Variants in ARHGEF33 observed in about 807,000 individuals in gnomAD.
ARHGEF33 encodes DH and coiled-coil domain-containing protein ENSP00000381780.
Under a neutral mutation model 101.9 loss-of-function variants are expected in ARHGEF33, and 72 were observed. That is an observed-to-expected ratio of 0.71 (90% CI 0.58 to 0.86). The LOEUF (loss-of-function observed/expected upper bound fraction) is 0.86. Among genes scored for constraint, ARHGEF33 ranks in the 40% least tolerant of loss-of-function variants. ARHGEF33 has a pLI of 0.00. For missense variants in ARHGEF33, 1,169 were observed against 1,111.3 expected (o/e 1.05, Z -0.74); for synonymous variants, 499 against 442.5 (o/e 1.13, Z -1.60).
At chr2:38,937,664 T>G (rs1667182540) in intron 9 of ARHGEF33, 105 bp downstream of exon 9, 1 of 687,630 alleles carries the variant, frequency 1.5e-6, no homozygotes, top group African/African-American at 1.8e-5. Context: ...AGTGGACACA[T>G]GAGGCCACCT....
At chr2:38,940,335 C>A (rs569260711) in intron 9 of ARHGEF33, among the ~76,000 whole-genome samples, 1 of 151,938 alleles carries the variant, frequency 6.6e-6, no homozygotes, top group Non-Finnish European at 1.5e-5. Flanking sequence ...CCCTTTGTTG[C>A]CCAAGCTGGC....
At chr2:38,954,673 A>AC (rs1479065595) in intron 13 of ARHGEF33, among the ~76,000 whole-genome samples, 1 of 140,780 alleles carries the variant, frequency 7.1e-6, no homozygotes, top group Non-Finnish European at 1.5e-5. Flanking sequence ...TTGCTCTGTC[A>AC]CCCAGGCTGG....
intron 17 of ARHGEF33, among the ~76,000 whole-genome samples, chr2:38,966,730 G>T (rs1452497710): frequency 3.9e-5 from 6 of 152,178 alleles, no homozygotes; most frequent in African/African-American, 7.2e-5. Context: ...TCCTCCTGTG[G>T]TCCTTCTGAG....
chr2:38,920,510 C>A (rs531402096), intron 3 of ARHGEF33, among the ~76,000 whole-genome samples: 1 of 144,642 alleles, frequency 6.9e-6, no homozygotes, highest in Non-Finnish European at 1.5e-5. Context: ...CGGGTTCAAG[C>A]GATTCTCCTG....
chr2:38,942,041 A>G (rs533043833), intron 9 of ARHGEF33, among the ~76,000 whole-genome samples: 1 of 149,672 alleles, frequency 6.7e-6, no homozygotes, highest in East Asian at 2.0e-4. Flanking sequence ...ATTTGATAAT[A>G]TCTTCTCATC....
chr2:38,906,880 C>T (rs139695743), intron 2 of ARHGEF33, among the ~76,000 whole-genome samples: 346 of 151,422 alleles, frequency 2.3e-3, no homozygotes, highest in Non-Finnish European at 3.9e-3. Flanking sequence ...ATTGCTTGAG[C>T]CTGGGAGGTC....
At position 38,974,844 on chromosome 2, in the gene ARHGEF33, A is replaced by G. The variant is rs545828428; in HGVS notation, c.*1001A>G. 1 of 152,302 alleles carries G rather than the reference A, an allele frequency of 6.6e-6. No individual in the cohort carries two copies. Among genetic ancestry groups the G allele is most frequent in the South Asian group, 2.1e-4 (1 of 4,822 alleles). The allele number at this position is 152,302 out of a possible 1,614,324, so 9.4% of individuals were successfully genotyped here. The stretch of plus-strand genomic sequence containing the variant: ...TTGACTGTTTTCCTATTTTGTAAAG[A>G]AACCAAGCTCTTAAAGCTTAGAGGA... On this transcript the variant is annotated 3_prime_UTR_variant, in exon 18 of 18. Coordinates refer to ENST00000409978, the MANE Select transcript of ARHGEF33 (RefSeq NM_001145451.5).
At chr2:38,959,808 A>G in intron 15 of ARHGEF33, 33 bp from the exon 16 acceptor site, 1 of 1,503,446 alleles carries the variant, frequency 6.7e-7, no homozygotes, top group Non-Finnish European at 8.9e-7. Flanking sequence ...GGCCGTAAGC[A>G]CAGCTCTTTT....
intron 10 of ARHGEF33, among the ~76,000 whole-genome samples, chr2:38,950,005 A>G (rs1667559192): frequency 6.6e-6 from 1 of 152,192 alleles, no homozygotes; most frequent in South Asian, 2.1e-4. Flanking sequence ...ATTCACCCTC[A>G]TGATACAATC....
At chr2:38,901,548 G>C (rs1666239131) in intron 2 of ARHGEF33, among the ~76,000 whole-genome samples, 1 of 152,160 alleles carries the variant, frequency 6.6e-6, no homozygotes, top group South Asian at 2.1e-4. Flanking sequence ...CTTTACATCT[G>C]GACTCCTCAG....
At chr2:38,920,642 A>T (rs1666736082) in intron 3 of ARHGEF33, among the ~76,000 whole-genome samples, 1 of 151,886 alleles carries the variant, frequency 6.6e-6, no homozygotes, top group African/African-American at 2.4e-5. Flanking sequence ...TCCTAACCTC[A>T]GGTGATCCTC....
chr2:38,968,590 C>T (rs986628948), intron 17 of ARHGEF33, among the ~76,000 whole-genome samples: 18 of 152,298 alleles, frequency 1.2e-4, no homozygotes, highest in South Asian at 2.1e-4. Flanking sequence ...TGTGGCTGTT[C>T]GGGATTCTCC....
intron 4 of ARHGEF33, among the ~76,000 whole-genome samples, chr2:38,926,422 G>A (rs934537261): frequency 1.3e-4 from 20 of 152,286 alleles, no homozygotes; most frequent in African/African-American, 4.6e-4. Flanking sequence ...CTCTGTAGGG[G>A]CTAAAGATAC....
At chr2:38,914,981 A>AT (rs1454362631) in intron 2 of ARHGEF33, among the ~76,000 whole-genome samples, 1 of 151,900 alleles carries the variant, frequency 6.6e-6, no homozygotes, top group African/African-American at 2.4e-5. Flanking sequence ...TTCTTCATGT[A>AT]TTTTATCTGT....
chr2:38,914,479 C>A (rs1666586716), intron 2 of ARHGEF33, among the ~76,000 whole-genome samples: 1 of 152,042 alleles, frequency 6.6e-6, no homozygotes, highest in Non-Finnish European at 1.5e-5. Context: ...ACCAGCCTGG[C>A]CAACATGGTG....
chr2:38,954,003 T>C (rs896536206), intron 12 of ARHGEF33, among the ~76,000 whole-genome samples: 9 of 152,240 alleles, frequency 5.9e-5, no homozygotes, highest in African/African-American at 2.2e-4. Flanking sequence ...CAAGTCTCCC[T>C]TAGAGCCTGT....
At chr2:38,940,368 A>G (rs556504848) in intron 9 of ARHGEF33, among the ~76,000 whole-genome samples, 1 of 151,296 alleles carries the variant, frequency 6.6e-6, no homozygotes, top group South Asian at 2.1e-4. Context: ...GGCTCAAGTG[A>G]TCCACCTGCC....
rs1454605766 is a variant in ARHGEF33, at chr2:38,943,344, C to G, written c.791-557C>G. Among the ~76,000 whole-genome samples, 5 of 152,206 alleles carry G rather than the reference C, an allele frequency of 3.3e-5. No homozygotes were observed. The East Asian group carries it at 9.6e-4, about 29-fold the overall frequency. On this transcript the variant is annotated intron_variant, in intron 9 of 17. Coordinates refer to ENST00000409978, the MANE Select transcript of ARHGEF33 (RefSeq NM_001145451.5). ...AAGAGTTTAAACCTGGCTTCTGGCA[C>G]TCTGGGATCTACAGGGGAAGAAGGC...
At chr2:38,908,692 C>G (rs1666446802) in intron 2 of ARHGEF33, among the ~76,000 whole-genome samples, 2 of 152,196 alleles carry the variant, frequency 1.3e-5, no homozygotes. Context: ...TGCTCCTGTT[C>G]TCACTGGCTC....
Sources: gnomAD v4.1 joint callset for allele counts (sites outside exome capture counted in the v4.1 genomes callset) on GRCh38, gnomAD v4.1.1 for gene constraint, MANE v1.5 for transcripts, NCBI Gene and HGNC (gene_info 2026-07-23, HGNC 2026-07-21) for gene names.